The following GLMN variants were observed in gnomAD, a reference collection of about 807,000 sequenced individuals.
GLMN encodes the protein glomulin.
A neutral mutation model predicts 87.8 loss-of-function variants in GLMN; 75 were observed. The observed-to-expected ratio is 0.85, with a 90% CI of 0.71 to 1.04. GLMN has a LOEUF of 1.04. Ranked by LOEUF, GLMN falls within the 50% of genes least tolerant of loss-of-function variation. GLMN has a pLI of 0.00. For missense variants in GLMN, 588 were observed against 658.8 expected (o/e 0.89, Z 1.18); for synonymous variants, 206 against 221.6 (o/e 0.93, Z 0.63).
At chr1:92,260,306 A>T (rs1040067579) in intron 16 of GLMN, among the ~76,000 whole-genome samples, 2 of 152,180 alleles carry the variant, frequency 1.3e-5, no homozygotes, top group Non-Finnish European at 2.9e-5. Flanking sequence ...AAAAATTATT[A>T]AAAACCATTA....
the GLMN span, among the ~76,000 whole-genome samples, chr1:92,314,780 C>G: frequency 1.4e-5 from 2 of 140,312 alleles, no homozygotes; most frequent in Non-Finnish European, 3.0e-5. Flanking sequence ...TGTGGTGGCT[C>G]ACACCTGTAA....
chr1:92,358,095 T>C, the GLMN span, among the ~76,000 whole-genome samples: 10 of 152,318 alleles, frequency 6.6e-5, no homozygotes, highest in African/African-American at 2.4e-4. Context: ...GGAAGGTTAG[T>C]CTTTCAGAGA....
chr1:92,357,385 T>TG, the GLMN span, among the ~76,000 whole-genome samples: 2 of 152,148 alleles, frequency 1.3e-5, no homozygotes, highest in African/African-American at 2.4e-5. Flanking sequence ...AAGATCTGTT[T>TG]GGGGGGCCAT....
chr1:92,332,961 G>C, the GLMN span, among the ~76,000 whole-genome samples: 1 of 152,076 alleles, frequency 6.6e-6, no homozygotes, highest in Non-Finnish European at 1.5e-5. Flanking sequence ...CTCAGAGAGA[G>C]AGTCGGTTTG....
At chr1:92,326,818 C>T in the GLMN span, among the ~76,000 whole-genome samples, 1 of 152,208 alleles carries the variant, frequency 6.6e-6, no homozygotes, top group Non-Finnish European at 1.5e-5. Flanking sequence ...TCAAACAGCA[C>T]CAAGTTTGTT....
chr1:92,266,505 A>T lies in GLMN; in HGVS notation c.1141-13T>A, dbSNP rs1403015591. ...AACTCTTTTTCCTCTAAAATGGAACAAACAATATTATTATATAAAATGAAT... is the reference window on the plus strand; with the variant it reads ...AACTCTTTTTCCTCTAAAATGGAACTAACAATATTATTATATAAAATGAAT... On this transcript the variant is annotated splice_polypyrimidine_tract_variant and intron_variant, in intron 12 of 18. Transcript: ENST00000370360. 6.9e-7 allele frequency: 1 copy of T among 1,457,754 alleles called. No homozygotes were observed. The highest frequency in any genetic ancestry group is 9.6e-7 in the Non-Finnish European group (1 of 1,040,928). The allele number at this position is 1,457,754 out of a possible 1,614,324, so 90.3% of individuals were successfully genotyped here. A position where few individuals can be genotyped will look rare whatever the true frequency, so the allele number is the denominator to read the frequency against.
chr1:92,259,827 C>T (rs999600933), intron 16 of GLMN, among the ~76,000 whole-genome samples: 4 of 150,508 alleles, frequency 2.7e-5, no homozygotes, highest in African/African-American at 9.8e-5. Flanking sequence ...CTCCGCCTCC[C>T]GGTTCACGCC....
At chr1:92,272,763 CAGGG>C (rs1656370519) in intron 7 of GLMN, among the ~76,000 whole-genome samples, 5 of 152,140 alleles carry the variant, frequency 3.3e-5, no homozygotes, top group Admixed American at 3.3e-4. Context: ...GGTAGGACCA[CAGGG>C]CTAAATAAAG....
the GLMN span, chr1:92,323,845 T>C: frequency 6.2e-7 from 1 of 1,613,836 alleles, no homozygotes. Context: ...GCCTGAAAGA[T>C]TAAAAGCGTC....
intron 7 of GLMN, among the ~76,000 whole-genome samples, chr1:92,282,937 A>C (rs1377105209): frequency 6.6e-6 from 1 of 152,226 alleles, no homozygotes; most frequent in South Asian, 2.1e-4. Flanking sequence ...AAAGAAGTTG[A>C]ATCTCTGAAT....
intron 15 of GLMN, 40 bp downstream of exon 15, chr1:92,263,583 T>G (rs1229702167): frequency 1.1e-6 from 1 of 886,138 alleles, no homozygotes; most frequent in Admixed American, 1.7e-5. Flanking sequence ...CACATTTTAT[T>G]CTGAATTTAC....
chr1:92,257,205 G>C (rs897673280), intron 16 of GLMN, among the ~76,000 whole-genome samples: 11 of 152,138 alleles, frequency 7.2e-5, no homozygotes, highest in African/African-American at 1.4e-4. Context: ...GGATGTGAAA[G>C]ACCTCTTCAA....
At position 92,266,740 on chromosome 1, in the gene GLMN, C is replaced by A; in HGVS notation, c.1100G>T (p.Gly367Val). 22 of 1,597,364 alleles carry A rather than the reference C, an allele frequency of 1.4e-5. No homozygotes were observed. Among genetic ancestry groups the A allele is most frequent in the Non-Finnish European group, 1.7e-5 (20 of 1,166,188 alleles). The change falls in exon 12 of 19, where the codon GGC (glycine) becomes GTC (valine). Residue 367 changes from glycine to valine, a missense_variant and splice_region_variant. By Grantham distance (109) the Gly-to-Val change is moderately radical. Coordinates refer to ENST00000370360, the MANE Select transcript of GLMN (RefSeq NM_053274.3). ...EIKSFLTVPQ[G>V]LVKVMTLCPI... ...GCAAAGTGTCATTACTTTCACTAAGCCCTGGAAATAAAAAAATGTAAAATT... is the reference window on the plus strand; with the variant it reads ...GCAAAGTGTCATTACTTTCACTAAGACCTGGAAATAAAAAAATGTAAAATT...
At chr1:92,348,616 C>T in the GLMN span, among the ~76,000 whole-genome samples, 1 of 152,066 alleles carries the variant, frequency 6.6e-6, no homozygotes, top group Non-Finnish European at 1.5e-5. Context: ...TCAGAAATTC[C>T]CCTTTAGCTT....
At chr1:92,286,165 T>G (rs1648721924) in intron 7 of GLMN, among the ~76,000 whole-genome samples, 1 of 151,582 alleles carries the variant, frequency 6.6e-6, no homozygotes, top group African/African-American at 2.4e-5. Flanking sequence ...CATGGAACAC[T>G]ATTAAGCCAA....
the GLMN span, among the ~76,000 whole-genome samples, chr1:92,334,258 GT>G: frequency 1.2e-4 from 19 of 152,250 alleles, no homozygotes; most frequent in African/African-American, 4.3e-4. Context: ...TGGTATAGGA[GT>G]TTTTTGTTGT....
intron 6 of GLMN, 140 bp from the exon 7 acceptor site, chr1:92,286,732 T>C: frequency 1.5e-6 from 1 of 664,736 alleles, no homozygotes; most frequent in Non-Finnish European, 2.7e-6. Flanking sequence ...CCAAAACTCA[T>C]GTTGAAATTT....
chr1:92,252,561 C>T (rs936492810), intron 16 of GLMN, among the ~76,000 whole-genome samples: 1 of 152,038 alleles, frequency 6.6e-6, no homozygotes, highest in Admixed American at 6.5e-5. Context: ...CCAAAAGTAG[C>T]CTAAAGAAAT....
chr1:92,338,104 T>C, the GLMN span, among the ~76,000 whole-genome samples: 1 of 152,222 alleles, frequency 6.6e-6, no homozygotes, highest in East Asian at 1.9e-4. Context: ...TGTGGTATTT[T>C]ACACTTCAGT....
Sources: allele counts gnomAD v4.1 joint callset (sites outside exome capture counted in the v4.1 genomes callset), GRCh38; gene constraint gnomAD v4.1.1; transcripts MANE v1.5; gene names NCBI Gene and HGNC (gene_info 2026-07-23, HGNC 2026-07-21).